CDK5R2: variants seen among roughly 807,000 people sequenced by gnomAD.
CDK5R2 encodes cyclin dependent kinase 5 regulatory subunit 2.
In CDK5R2, 7 loss-of-function variants were observed where a neutral mutation model predicts 23.1. The ratio of observed to expected loss-of-function variants is 0.30; its 90% CI spans 0.17 to 0.57. The LOEUF (loss-of-function observed/expected upper bound fraction) is 0.57, where lower values mean the gene tolerates loss of function less well. CDK5R2 is among the 20% of genes least tolerant of loss of function. The pLI is 0.91. For missense variants in CDK5R2, 380 were observed against 537.6 expected, an observed-to-expected ratio of 0.71 and a Z score of 2.90; for synonymous variants, 242 against 264.9, an observed-to-expected ratio of 0.91 and a Z score of 0.84.
At position 218,960,893 on chromosome 2, in the gene CDK5R2, C is replaced by T. The variant is rs762004607; in HGVS notation, c.1073C>T (p.Thr358Ile). The stretch of plus-strand genomic sequence containing the variant: ...GCCAGGGACAGCTGCGCGGCCGGAA[C>T]CAAGCACTGGACTATGAACCTGGAC... ...SAARDSCAAG[T>I]KHWTMNLDR Residue 358 changes from threonine (T) to isoleucine (I), a missense_variant, in exon 1 of 1, where the codon ACC becomes ATC. Thr to Ile is a moderately conservative substitution (Grantham distance 89). Transcript: ENST00000302625. The T allele has an allele frequency of 3.2e-5, 47 of 1,471,874 alleles. No homozygotes were observed. In the South Asian group the frequency reaches 5.0e-4, roughly 16 times the overall value. 91.2% of individuals were successfully genotyped at this position (1,471,874 alleles called of 1,614,324 possible).
chr2:218,961,057 C>T lies in CDK5R2; in HGVS notation c.*133C>T. 2.1e-6 allele frequency: 1 copy of T among 484,222 alleles called. No homozygotes were observed. Among genetic ancestry groups the T allele is most frequent in the Non-Finnish European group, 3.6e-6 (1 of 278,534 alleles). 30.0% of individuals were successfully genotyped at this position (484,222 alleles called of 1,614,324 possible). On this transcript the variant is annotated 3_prime_UTR_variant, in exon 1 of 1. Transcript: ENST00000302625. This position sits in a 1 kb window ranked among gnomAD's most constrained non-coding sequence, Gnocchi z 4.4. ...TGGGCGGAGGAGGAGACGCCCATGC[C>T]CCTCAGGGGAAAGTGGAGACCGGGA... is the stretch of plus-strand genomic sequence containing the variant.
Position 218,960,053 on chromosome 2 carries a change from A to G in CDK5R2, c.233A>G (p.Lys78Arg). The G allele has an allele frequency of 6.2e-7, 1 of 1,602,808 alleles. No individual in the cohort carries two copies. Among genetic ancestry groups the G allele is most frequent in the Non-Finnish European group, 8.5e-7 (1 of 1,175,710 alleles). Residue 78 changes from lysine to arginine, a missense_variant, in exon 1 of 1, where the codon AAA (lysine) becomes AGA (arginine). Around this residue, in one of 3 missense-constraint regions of CDK5R2, gnomAD observed 197 missense variants for 246.4 expected, o/e 0.80. Coordinates refer to ENST00000302625, the MANE Select transcript of CDK5R2 (RefSeq NM_003936.5). ...RLVAASAKKK[K>R]GSKKVTPKPA... is the part of the protein sequence containing the mutation. ...GTGGCCGCGTCCGCCAAGAAGAAGA[A>G]AGGCAGCAAGAAGGTGACACCCAAG...
In CDK5R2 at chr2:218,959,847, T is replaced by C. The variant is rs775738948; in HGVS notation, c.27T>C (p.Pro9=). ...TGGGCACAGTGCTGTCTCTTTCGCCTGCCTCCTCGGCCAAGGGCCGGAGGC... is the reference window on the plus strand; with the variant it reads ...TGGGCACAGTGCTGTCTCTTTCGCCCGCCTCCTCGGCCAAGGGCCGGAGGC... MGTVLSLS[P]ASSAKGRRPG... is the part of the protein sequence containing the mutation. The change falls in exon 1 of 1, where the codon CCT becomes CCC. Residue 9 remains proline (P), a synonymous_variant. Coordinates refer to ENST00000302625, the MANE Select transcript of CDK5R2 (RefSeq NM_003936.5). This position sits in a 1 kb window ranked among gnomAD's most constrained non-coding sequence, Gnocchi z 4.0. 4 of 1,415,044 alleles carry C rather than the reference T, an allele frequency of 2.8e-6. No individual in the cohort carries two copies. The highest frequency in any genetic ancestry group is 6.2e-5 in the Admixed American group (2 of 32,364). The allele number at this position is 1,415,044 out of a possible 1,614,324, so 87.7% of individuals were successfully genotyped here. A position where few individuals can be genotyped will look rare whatever the true frequency, so the allele number is the denominator to read the frequency against.
rs1048146506 is a variant in CDK5R2, at chr2:218,959,672, G to T, written c.-149G>T. The stretch of plus-strand genomic sequence containing the variant: ...GCTGGCGCAGCTCAGGATTAGAGCA[G>T]CGGAGCCGCCTAGCAGCCACCTTCC... On this transcript the variant is annotated 5_prime_UTR_variant, in exon 1 of 1. Coordinates refer to ENST00000302625, the MANE Select transcript of CDK5R2 (RefSeq NM_003936.5). This position sits in a 1 kb window ranked among gnomAD's most constrained non-coding sequence, Gnocchi z 4.0. The T allele has an allele frequency of 1.0e-6, 1 of 983,152 alleles. No homozygotes were observed. Among genetic ancestry groups the T allele is most frequent in the Non-Finnish European group, 1.3e-6 (1 of 772,548 alleles). The allele number at this position is 983,152 out of a possible 1,614,324, so 60.9% of individuals were successfully genotyped here.
Position 218,959,732 on chromosome 2 carries a change from C to G in CDK5R2, c.-89C>G. The G allele has an allele frequency of 8.2e-7, 1 of 1,215,466 alleles. No homozygotes were observed. The highest frequency in any genetic ancestry group is 1.0e-6 in the Non-Finnish European group (1 of 977,810). The allele number at this position is 1,215,466 out of a possible 1,614,324, so 75.3% of individuals were successfully genotyped here. ...CCGCGCGCCCGGGCCGGGGCTAGGC[C>G]CCCCACCGCCGGGTCCCCCGGGGCT... is the stretch of plus-strand genomic sequence containing the variant. On this transcript the variant is annotated 5_prime_UTR_variant, in exon 1 of 1. Coordinates refer to ENST00000302625, the MANE Select transcript of CDK5R2 (RefSeq NM_003936.5). This position sits in a 1 kb window ranked among gnomAD's most constrained non-coding sequence, Gnocchi z 4.0.
rs965813454 is a variant in CDK5R2 at position 218,962,130 on chromosome 2, A to C, written c.*1206A>C. 9 of 167,168 alleles carry C rather than the reference A, an allele frequency of 5.4e-5. No individual in the cohort carries two copies. Among genetic ancestry groups the C allele is most frequent in the African/African-American group, 1.9e-4 (8 of 41,432 alleles). The allele number at this position is 167,168 out of a possible 1,614,324, so 10.4% of individuals were successfully genotyped here. On this transcript the variant is annotated 3_prime_UTR_variant, in exon 1 of 1. Coordinates refer to ENST00000302625, the MANE Select transcript of CDK5R2 (RefSeq NM_003936.5). ...TGTCTGTCCGTCTGTCCCGGAAAGA[A>C]CTATAAAGCGCTGGAAGCGCCTGCA...
chr2:218,959,889 G>T lies in CDK5R2; in HGVS notation c.69G>T (p.Glu23Asp). Residue 23 changes from glutamate (E) to aspartate (D), a missense_variant, in exon 1 of 1, where the codon GAG becomes GAT. By Grantham distance (45) the Glu-to-Asp change is conservative (BLOSUM62 2). Transcript: ENST00000302625. The surrounding 1 kb of genome is among the most constrained non-coding windows in gnomAD (Gnocchi z 4.0). ...AKGRRPGGLP[E>D]EKKKAPPAGD... ...GCCGGAGGCCCGGCGGGCTGCCCGA[G>T]GAGAAGAAGAAGGCGCCGCCCGCGG... 1 of 1,452,604 alleles carries T rather than the reference G, an allele frequency of 6.9e-7. No homozygotes were observed. The highest frequency in any genetic ancestry group is 9.0e-7 in the Non-Finnish European group (1 of 1,114,246). 90.0% of individuals were successfully genotyped at this position (1,452,604 alleles called of 1,614,324 possible).
Position 218,961,684 on chromosome 2 carries a change from C to T in CDK5R2, c.*760C>T, listed in dbSNP as rs1945208199. On this transcript the variant is annotated 3_prime_UTR_variant, in exon 1 of 1. Transcript: ENST00000302625. The surrounding 1 kb of genome is among the most constrained non-coding windows in gnomAD (Gnocchi z 4.4). ...CACCAGGATGGTCCCTCGCCCCACC[C>T]CCACCGCCTCTCCCCACCTTTTCCA... The T allele has an allele frequency of 6.0e-6, 1 of 167,158 alleles. No individual in the cohort carries two copies. Among genetic ancestry groups the T allele is most frequent in the African/African-American group, 2.4e-5 (1 of 41,442 alleles). The allele number at this position is 167,158 out of a possible 1,614,324, so 10.4% of individuals were successfully genotyped here. A position where few individuals can be genotyped will look rare whatever the true frequency, so the allele number is the denominator to read the frequency against.
At position 218,962,043 on chromosome 2, in the gene CDK5R2, T is replaced by G. The variant is rs1355784630; in HGVS notation, c.*1119T>G. On this transcript the variant is annotated 3_prime_UTR_variant, in exon 1 of 1. Coordinates refer to ENST00000302625, the MANE Select transcript of CDK5R2 (RefSeq NM_003936.5). ...TCCCGGTAGGGTACCAGGGACTGAG[T>G]TGGGCCTGGGGCCGTGTCCAAGGTG... 6.0e-6 allele frequency: 1 copy of G among 167,082 alleles called. No homozygotes were observed. The highest frequency in any genetic ancestry group is 1.9e-4 in the East Asian group (1 of 5,166). 10.3% of individuals were successfully genotyped at this position (167,082 alleles called of 1,614,324 possible). A position where few individuals can be genotyped will look rare whatever the true frequency, so the allele number is the denominator to read the frequency against.
Position 218,961,133 on chromosome 2 carries a change from G to A in CDK5R2, c.*209G>A. 1 of 431,850 alleles carries A rather than the reference G, an allele frequency of 2.3e-6. No homozygotes were observed. The highest frequency in any genetic ancestry group is 4.1e-6 in the Non-Finnish European group (1 of 241,362). 26.8% of individuals were successfully genotyped at this position (431,850 alleles called of 1,614,324 possible). A position where few individuals can be genotyped will look rare whatever the true frequency, so the allele number is the denominator to read the frequency against. The stretch of plus-strand genomic sequence containing the variant: ...TGCTGGGCGTGGAGTGGGGACGGAA[G>A]ATGAGCGCGGGAAAGGCACTCCAAC... On this transcript the variant is annotated 3_prime_UTR_variant, in exon 1 of 1. Coordinates refer to ENST00000302625, the MANE Select transcript of CDK5R2 (RefSeq NM_003936.5). This position sits in a 1 kb window ranked among gnomAD's most constrained non-coding sequence, Gnocchi z 4.4.
In CDK5R2 at chr2:218,960,953, GC is replaced by G; in HGVS notation, c.*33del. ...TACCCAGGGGCCGCGCCCATCCCCC[GC>G]CCCAGCCCCTGACACACACTCGGAC... On this transcript the variant is annotated 3_prime_UTR_variant, in exon 1 of 1. Coordinates refer to ENST00000302625, the MANE Select transcript of CDK5R2 (RefSeq NM_003936.5). 8.5e-7 allele frequency: 1 copy of G among 1,181,260 alleles called. No homozygotes were observed. Among genetic ancestry groups the G allele is most frequent in the Non-Finnish European group, 1.1e-6 (1 of 880,002 alleles). 73.2% of individuals were successfully genotyped at this position (1,181,260 alleles called of 1,614,324 possible).
chr2:218,960,521 C>A lies in CDK5R2; in HGVS notation c.701C>A (p.Ala234Glu). Residue 234 changes from alanine to glutamate, a missense_variant, in exon 1 of 1, where the codon GCA (alanine) becomes GAA (glutamate). Coordinates refer to ENST00000302625, the MANE Select transcript of CDK5R2 (RefSeq NM_003936.5). Reference protein sequence around the residue: ...GWQDQAFITPANLVFVYLLCR... With the variant: ...GWQDQAFITPENLVFVYLLCR... Reference sequence around the variant, plus strand: ...CAAGACCAGGCCTTCATTACGCCTGCAAACCTGGTGTTCGTGTACCTGCTG... The same window carrying A: ...CAAGACCAGGCCTTCATTACGCCTGAAAACCTGGTGTTCGTGTACCTGCTG... 6.2e-7 allele frequency: 1 copy of A among 1,613,996 alleles called. No homozygotes were observed. The highest frequency in any genetic ancestry group is 8.5e-7 in the Non-Finnish European group (1 of 1,179,920).
rs749012802 is a variant in CDK5R2, at chr2:218,960,406, C to A, written c.586C>A (p.Arg196=). The A allele has an allele frequency of 1.8e-5, 29 of 1,604,504 alleles. No homozygotes were observed. Among genetic ancestry groups the A allele is most frequent in the Middle Eastern group, 1.6e-4 (1 of 6,068 alleles). The change falls in exon 1 of 1, where the codon CGA becomes AGA. Residue 196 remains arginine (R), a synonymous_variant. Coordinates refer to ENST00000302625, the MANE Select transcript of CDK5R2 (RefSeq NM_003936.5). ...GCGCTGTCTGGGCGACTTCGTGTGC[C>A]GACGCTGCTATCGCCTCAAGGAGCT... ...LLRCLGDFVC[R]RCYRLKELSP...
At position 218,961,675 on chromosome 2, in the gene CDK5R2, C is replaced by G. The variant is rs1183607012; in HGVS notation, c.*751C>G. On this transcript the variant is annotated 3_prime_UTR_variant, in exon 1 of 1. Transcript: ENST00000302625. The surrounding 1 kb of genome is among the most constrained non-coding windows in gnomAD (Gnocchi z 4.4). ...CCAGACAGCCACCAGGATGGTCCCT[C>G]GCCCCACCCCCACCGCCTCTCCCCA... is the stretch of plus-strand genomic sequence containing the variant. 2 of 167,158 alleles carry G rather than the reference C, an allele frequency of 1.2e-5. No individual in the cohort carries two copies. The highest frequency in any genetic ancestry group is 4.8e-5 in the African/African-American group (2 of 41,436). 10.4% of individuals were successfully genotyped at this position (167,158 alleles called of 1,614,324 possible).
Position 218,960,059 on chromosome 2 carries a change from G to A in CDK5R2, c.239G>A (p.Ser80Asn). The change falls in exon 1 of 1, where the codon AGC (serine) becomes AAC (asparagine). Residue 80 changes from serine to asparagine, a missense_variant. Around this residue, in one of 3 missense-constraint regions of CDK5R2, gnomAD observed 197 missense variants for 246.4 expected, o/e 0.80. Transcript: ENST00000302625. ...GCGTCCGCCAAGAAGAAGAAAGGCA[G>A]CAAGAAGGTGACACCCAAGCCGGCA... ...VAASAKKKKGSKKVTPKPAST... is the reference protein window; with the variant it reads ...VAASAKKKKGNKKVTPKPAST... The A allele has an allele frequency of 1.9e-6, 3 of 1,603,314 alleles. No individual in the cohort carries two copies. Among genetic ancestry groups the A allele is most frequent in the African/African-American group, 1.3e-5 (1 of 74,152 alleles).
In CDK5R2 at chr2:218,960,985, G is replaced by A. The variant is rs1285808343; in HGVS notation, c.*61G>A. On this transcript the variant is annotated 3_prime_UTR_variant, in exon 1 of 1. Transcript: ENST00000302625. ...CCCCTGACACACACTCGGACCCCCCGGGACCACAAAGCCACCGCCGCTGTT... is the reference window on the plus strand; with the variant it reads ...CCCCTGACACACACTCGGACCCCCCAGGACCACAAAGCCACCGCCGCTGTT... 8.9e-6 allele frequency: 8 copies of A among 895,732 alleles called. No individual in the cohort carries two copies. Among genetic ancestry groups the A allele is most frequent in the Non-Finnish European group, 9.4e-6 (6 of 635,558 alleles). The allele number at this position is 895,732 out of a possible 1,614,324, so 55.5% of individuals were successfully genotyped here. A position where few individuals can be genotyped will look rare whatever the true frequency, so the allele number is the denominator to read the frequency against.
chr2:218,959,725 G>T lies in CDK5R2; in HGVS notation c.-96G>T. ...CGCCAGTCCGCGCGCCCGGGCCGGG[G>T]CTAGGCCCCCCACCGCCGGGTCCCC... On this transcript the variant is annotated 5_prime_UTR_variant, in exon 1 of 1. Transcript: ENST00000302625. This position sits in a 1 kb window ranked among gnomAD's most constrained non-coding sequence, Gnocchi z 4.0. 1 of 1,209,544 alleles carries T rather than the reference G, an allele frequency of 8.3e-7. No homozygotes were observed. The allele number at this position is 1,209,544 out of a possible 1,614,324, so 74.9% of individuals were successfully genotyped here. A position where few individuals can be genotyped will look rare whatever the true frequency, so the allele number is the denominator to read the frequency against.
chr2:218,960,569 A>G lies in CDK5R2; in HGVS notation c.749A>G (p.Asp250Gly). ...CTGTGCCGCGAGTCGCTGCGTGGGG[A>G]CGAGCTGGCGTCGGCCGCCGAGCTG... ...YLLCRESLRG[D>G]ELASAAELQA... is the part of the protein sequence containing the mutation. The change falls in exon 1 of 1, where the codon GAC (aspartate) becomes GGC (glycine). Residue 250 changes from aspartate to glycine, a missense_variant. Transcript: ENST00000302625. The G allele has an allele frequency of 1.2e-6, 2 of 1,613,648 alleles. No individual in the cohort carries two copies. Among genetic ancestry groups the G allele is most frequent in the Non-Finnish European group, 1.7e-6 (2 of 1,179,860 alleles).
chr2:218,960,501 C>T lies in CDK5R2; in HGVS notation c.681C>T (p.Asp227=). 1 of 1,613,920 alleles carries T rather than the reference C, an allele frequency of 6.2e-7. No individual in the cohort carries two copies. ...DRSLLLQGWQ[D]QAFITPANLV... is the part of the protein sequence containing the mutation. ...CGCTGCTGCTGCAGGGCTGGCAAGA[C>T]CAGGCCTTCATTACGCCTGCAAACC... The change falls in exon 1 of 1, where the codon GAC becomes GAT. Residue 227 remains aspartate, a synonymous_variant. Transcript: ENST00000302625.
Sources: gnomAD v4.1 joint callset for allele counts on GRCh38, gnomAD v4.1.1 for gene constraint, gnomAD v4.1.1 regional missense constraint, Gnocchi (gnomAD v3.1) non-coding constraint, MANE v1.5 for transcripts, NCBI Gene and HGNC (gene_info 2026-07-23, HGNC 2026-07-21) for gene names.